The following PLXNB3 variants were observed in gnomAD, a reference collection of about 807,000 sequenced individuals.
PLXNB3 encodes plexin B3, also known as plexin-B3.
In PLXNB3, 80 loss-of-function variants were observed where a neutral mutation model predicts 125.7. That is an observed-to-expected ratio of 0.64 (90% CI 0.53 to 0.77). PLXNB3 has a LOEUF of 0.77. Among genes scored for constraint, PLXNB3 ranks in the 30% least tolerant of loss-of-function variants. PLXNB3 has a pLI of 0.00. For missense variants in PLXNB3, 1,836 were observed against 1,729.3 expected (o/e 1.06, Z -1.09); for synonymous variants, 954 against 783.3 (o/e 1.22, Z -3.64).
Position 153,768,316 on chromosome X carries a change from T to A in PLXNB3, c.1154T>A (p.Leu385Gln), listed in dbSNP as rs1557060117. Residue 385 changes from leucine to glutamine, a missense_variant, in exon 4 of 36, where the codon CTG (leucine) becomes CAG (glutamine). Transcript: ENST00000361971. Reference protein sequence around the residue: ...TPSPIAGRQPLEVQPLLKLGQ... With the variant: ...TPSPIAGRQPQEVQPLLKLGQ... ...AGCCCCATTGCTGGCCGCCAGCCCC[T>A]GGAGGTCCAGCCTCTGCTGAAGCTC... 8.3e-7 allele frequency: 1 copy of A among 1,208,918 alleles called. No individual in the cohort carries two copies. Among genetic ancestry groups the A allele is most frequent in the Admixed American group, 2.2e-5 (1 of 46,117 alleles).
Position 153,772,877 on chromosome X carries a change from G to A in PLXNB3, c.2776-9G>A. On this transcript the variant is annotated splice_polypyrimidine_tract_variant and intron_variant, in intron 16 of 35. Coordinates refer to ENST00000361971, the MANE Select transcript of PLXNB3 (RefSeq NM_005393.3). ...CTGCCGTGCCTACCCAGCCTGCGCTGTTCGCCAGGACCCTGTCCTGCTGAG... is the reference window on the plus strand; with the variant it reads ...CTGCCGTGCCTACCCAGCCTGCGCTATTCGCCAGGACCCTGTCCTGCTGAG... 8 of 1,117,633 alleles carry A rather than the reference G, an allele frequency of 7.2e-6. No individual in the cohort carries two copies. Among genetic ancestry groups the A allele is most frequent in the Non-Finnish European group, 9.4e-6 (8 of 855,024 alleles). The allele number at this position is 1,117,633 out of a possible 1,213,427, so 92.1% of individuals were successfully genotyped here.
At chrX:153,766,423 C>T (rs1372354881) in intron 2 of PLXNB3, 3 of 1,076,880 alleles carry the variant, frequency 2.8e-6, no homozygotes, top group Non-Finnish European at 3.6e-6. Flanking sequence ...GGCGCAGGGG[C>T]GCGCTGTGAC....
chrX:153,774,138 G>A, intron 20 of PLXNB3, 40 bp downstream of exon 20: 1 of 1,199,982 alleles, frequency 8.3e-7, no homozygotes, highest in East Asian at 3.0e-5. Context: ...ACGGTGCTCA[G>A]GCCGCCTCTG....
chrX:153,767,761 G>A lies in PLXNB3; in HGVS notation c.934G>A (p.Ala312Thr). Residue 312 changes from alanine to threonine, a missense_variant, in exon 3 of 36, where the codon GCG becomes ACG. Transcript: ENST00000361971. ...TGCCGCGGGCCCAAGGGGCACCCAGGCGGCGCTCTGTGCCTTCCCCATGGT... is the reference window on the plus strand; with the variant it reads ...TGCCGCGGGCCCAAGGGGCACCCAGACGGCGCTCTGTGCCTTCCCCATGGT... Reference protein sequence around the residue: ...VFAAGPRGTQAALCAFPMVEL... With the variant: ...VFAAGPRGTQTALCAFPMVEL... 2.6e-6 allele frequency: 3 copies of A among 1,172,166 alleles called. No homozygotes were observed. The highest frequency in any genetic ancestry group is 3.4e-6 in the Non-Finnish European group (3 of 875,677).
chrX:153,766,993 C>A lies in PLXNB3; in HGVS notation c.166C>A (p.His56Asn). ...RFSAPNTTLN[H>N]LALAPGRGTL... ...CTCCGCACCTAATACCACTCTCAAC[C>A]ACTTGGCACTGGCACCTGGCCGAGG... is the stretch of plus-strand genomic sequence containing the variant. Residue 56 changes from histidine (H) to asparagine (N), a missense_variant, in exon 3 of 36, where the codon CAC becomes AAC. Transcript: ENST00000361971. 1 of 1,211,228 alleles carries A rather than the reference C, an allele frequency of 8.3e-7. No individual in the cohort carries two copies. Among genetic ancestry groups the A allele is most frequent in the African/African-American group, 1.7e-5 (1 of 57,997 alleles).
chrX:153,768,150 C>A, intron 3 of PLXNB3, 99 bp from the exon 4 acceptor site: 1 of 947,626 alleles, frequency 1.1e-6, no homozygotes, highest in South Asian at 2.3e-5. Context: ...GGGGTCATCC[C>A]AGGGTGCCTG....
chrX:153,764,670 T>G (rs1569541547), intron 1 of PLXNB3, among the ~76,000 whole-genome samples: 2 of 112,566 alleles, frequency 1.8e-5, no homozygotes, highest in Non-Finnish European at 3.8e-5. Flanking sequence ...TGCCGTGCTG[T>G]GGGGGAGGCA....
At chrX:153,765,004 C>A (rs1171474262) in intron 1 of PLXNB3, among the ~76,000 whole-genome samples, 1 of 113,182 alleles carries the variant, frequency 8.8e-6, no homozygotes, top group Non-Finnish European at 1.9e-5. Context: ...GCATTGAGGG[C>A]CAGGACTGGC....
chrX:153,766,718 CCTT>C (rs1557059329), intron 2 of PLXNB3, 152 bp from the exon 3 acceptor site: 1 of 734,922 alleles, frequency 1.4e-6, no homozygotes, highest in Non-Finnish European at 1.6e-6. Context: ...CCCTCTGTCT[CCTT>C]GTCTCCGCTC....
chrX:153,777,868 G>A, intron 31 of PLXNB3, 80 bp from the exon 32 acceptor site: 1 of 1,129,103 alleles, frequency 8.9e-7, no homozygotes, highest in Non-Finnish European at 1.2e-6. Context: ...CGAGTGTGTT[G>A]CCAGTAGGCT....
chrX:153,766,075 A>G, intron 2 of PLXNB3: 2 of 1,057,262 alleles, frequency 1.9e-6, no homozygotes, highest in Non-Finnish European at 2.4e-6. Context: ...AGAGACCCAA[A>G]CTGCTGGGGC....
chrX:153,765,405 C>G, intron 1 of PLXNB3, 66 bp from the exon 2 acceptor site: 1 of 887,374 alleles, frequency 1.1e-6, no homozygotes, highest in African/African-American at 2.0e-5. Flanking sequence ...CCACCCCCAC[C>G]GCCGCCCCTC....
Position 153,770,975 on chromosome X carries a change from C to A in PLXNB3, c.2147C>A (p.Ala716Asp), listed in dbSNP as rs1683292188. The A allele has an allele frequency of 7.4e-6, 9 of 1,210,779 alleles. No individual in the cohort carries two copies. Among genetic ancestry groups the A allele is most frequent in the Non-Finnish European group, 1.0e-5 (9 of 895,151 alleles). The change falls in exon 12 of 36, where the codon GCC becomes GAC. Residue 716 changes from alanine (A) to aspartate (D), a missense_variant. Coordinates refer to ENST00000361971, the MANE Select transcript of PLXNB3 (RefSeq NM_005393.3). ...RNLQHFRGLP[A>D]SFHCWLELPG... ...AGCGTCCTTCCCCAGGGCCTGCCTG[C>A]CTCCTTCCACTGCTGGCTGGAGCTG...
At position 153,778,999 on chromosome X, in the gene PLXNB3, A is replaced by G; in HGVS notation, c.5690A>G (p.Gln1897Arg). Residue 1897 changes from glutamine (Q) to arginine (R), a missense_variant, in exon 36 of 36, where the codon CAG becomes CGG. Gln to Arg is a conservative substitution (Grantham distance 43). Transcript: ENST00000361971. ...CTGCAGCTGGCCTGCCGCCTGCAGCAGGTCGCCGCCCTGGTGGAAAACAAA... is the reference window on the plus strand; with the variant it reads ...CTGCAGCTGGCCTGCCGCCTGCAGCGGGTCGCCGCCCTGGTGGAAAACAAA... Reference protein sequence around the residue: ...QKLQLACRLQQVAALVENKVT... With the variant: ...QKLQLACRLQRVAALVENKVT... 8.3e-7 allele frequency: 1 copy of G among 1,197,746 alleles called. No homozygotes were observed. Among genetic ancestry groups the G allele is most frequent in the Non-Finnish European group, 1.1e-6 (1 of 888,761 alleles).
rs781939479 is a variant in PLXNB3, at chrX:153,774,464, C to T, written c.3723C>T (p.Tyr1241=). Residue 1241 remains tyrosine, a synonymous_variant, in exon 22 of 36, where the codon TAC becomes TAT. Transcript: ENST00000361971. ...AGCTGGCCCTGGGCCCTGTGCAGTA[C>T]GAGGCTGAACCCCCGCTGTCTGCCT... ...NVQLALGPVQ[Y]EAEPPLSAFP... The T allele has an allele frequency of 8.7e-5, 105 of 1,203,359 alleles. 1 individual carries two copies. The East Asian group carries it at 2.9e-3, about 33-fold the overall frequency.
chrX:153,768,070 C>T (rs782174527), intron 3 of PLXNB3, among the ~76,000 whole-genome samples, 157 bp downstream of exon 3: 1 of 113,448 alleles, frequency 8.8e-6, no homozygotes, highest in East Asian at 2.8e-4. Context: ...CATTTCTTTC[C>T]ACCTTTCTCC....
chrX:153,778,378 C>T lies in PLXNB3; in HGVS notation c.5475-18C>T, dbSNP rs373369669. 56 of 1,209,277 alleles carry T rather than the reference C, an allele frequency of 4.6e-5. No individual in the cohort carries two copies. Among genetic ancestry groups the T allele is most frequent in the Non-Finnish European group, 5.7e-5 (51 of 894,560 alleles). ...GGGAAGGGGGCTGCCCCACCCCTAA[C>T]GAAGTCTGCTCCTCCAGGTACTATG... On this transcript the variant is annotated intron_variant, in intron 33 of 35. Transcript: ENST00000361971.
intron 13 of PLXNB3, 23 bp from the exon 14 acceptor site, chrX:153,771,463 G>C (rs782691919): frequency 8.3e-7 from 1 of 1,207,458 alleles, no homozygotes; most frequent in East Asian, 3.0e-5. Context: ...GAGGCGCTCA[G>C]CACACTGCCT....
chrX:153,773,206 G>A (rs2266885), intron 17 of PLXNB3, 24 bp from the exon 18 acceptor site: 150 of 1,177,972 alleles, frequency 1.3e-4, no homozygotes, highest in Non-Finnish European at 1.6e-4. Context: ...GCCGAGATGA[G>A]AGACCCCACT....
Sources: allele counts gnomAD v4.1 joint callset (sites outside exome capture counted in the v4.1 genomes callset), GRCh38; gene constraint gnomAD v4.1.1; transcripts MANE v1.5; gene names NCBI Gene and HGNC (gene_info 2026-07-23, HGNC 2026-07-21).